COL13A1: variants seen among roughly 807,000 people sequenced by gnomAD.
COL13A1 encodes collagen alpha-1(XIII) chain.
A neutral mutation model predicts 130.9 loss-of-function variants in COL13A1; 89 were observed. The ratio of observed to expected loss-of-function variants is 0.68; its 90% CI spans 0.57 to 0.81. The LOEUF is 0.81. Among genes scored for constraint, COL13A1 ranks in the 30% least tolerant of loss-of-function variants. The probability of loss-of-function intolerance (pLI) is 0.00; values close to 1 mark genes in which losing one functional copy is unlikely to be tolerated. For synonymous variants in COL13A1, 402 were observed against 341.6 expected, an observed-to-expected ratio of 1.18 and a Z score of -1.95; for missense variants, 879 against 934.6, an observed-to-expected ratio of 0.94 and a Z score of 0.78.
At chr10:69,841,795 G>A (rs1851672204) in intron 2 of COL13A1, among the ~76,000 whole-genome samples, 1 of 152,238 alleles carries the variant, frequency 6.6e-6, no homozygotes, top group African/African-American at 2.4e-5. Context: ...AAGTGTTCCA[G>A]GCAAGGGAAC....
At chr10:69,884,702 T>G (rs2060452701) in intron 7 of COL13A1, among the ~76,000 whole-genome samples, 1 of 152,264 alleles carries the variant, frequency 6.6e-6, no homozygotes, top group Non-Finnish European at 1.5e-5. Context: ...CATGAATTAA[T>G]GTACAAATAC....
At chr10:69,829,452 C>T (rs1848286190) in intron 2 of COL13A1, among the ~76,000 whole-genome samples, 1 of 152,266 alleles carries the variant, frequency 6.6e-6, no homozygotes, top group African/African-American at 2.4e-5. Context: ...AGCACTGGTG[C>T]TGCTGGTTGT....
Position 69,875,163 on chromosome 10 carries a change from G to C in COL13A1, c.435G>C (p.Val145=), listed in dbSNP as rs778563814. 1 of 1,613,986 alleles carries C rather than the reference G, an allele frequency of 6.2e-7. No individual in the cohort carries two copies. Among genetic ancestry groups the C allele is most frequent in the Non-Finnish European group, 8.5e-7 (1 of 1,179,892 alleles). Residue 145 remains valine (V), a splice_region_variant and synonymous_variant, in exon 5 of 41, where the codon GTG becomes GTC. Transcript: ENST00000645393. Reference sequence around the variant, plus strand: ...GTGCCATTGGGATGCCTGGACGTGTGGTGAGTTGGCCCGTTTGTACCTGCT... The same window carrying C: ...GTGCCATTGGGATGCCTGGACGTGTCGTGAGTTGGCCCGTTTGTACCTGCT... ...DKGAIGMPGR[V]GVKGQPGEKG...
At chr10:69,918,912 C>G in intron 19 of COL13A1, 150 bp from the exon 20 acceptor site, 4 of 866,558 alleles carry the variant, frequency 4.6e-6, no homozygotes, top group Non-Finnish European at 7.5e-6. Context: ...GGCCTGGGAC[C>G]TGATGCCTGA....
At chr10:69,812,076 T>C (rs1220361763) in intron 1 of COL13A1, among the ~76,000 whole-genome samples, 1 of 152,170 alleles carries the variant, frequency 6.6e-6, no homozygotes, top group East Asian at 1.9e-4. Context: ...GGGGACCTTT[T>C]AAAAAACTAA....
chr10:69,947,211 A>G, intron 37 of COL13A1, 96 bp from the exon 38 acceptor site: 1 of 1,053,020 alleles, frequency 9.5e-7, no homozygotes, highest in Non-Finnish European at 1.5e-6. Context: ...CCAGTGAGTG[A>G]GGCATTGGGA....
At chr10:69,875,884 T>G (rs2134175458) in intron 5 of COL13A1, among the ~76,000 whole-genome samples, 2 of 152,248 alleles carry the variant, frequency 1.3e-5, no homozygotes, top group Middle Eastern at 6.8e-3. Context: ...TCAGCCACTC[T>G]CCCCATGTGA....
intron 2 of COL13A1, among the ~76,000 whole-genome samples, chr10:69,851,304 C>G (rs1282975416): frequency 6.6e-6 from 1 of 152,218 alleles, no homozygotes; most frequent in Non-Finnish European, 1.5e-5. Context: ...CCCTTCCACC[C>G]TGAGCCAAAA....
intron 39 of COL13A1, chr10:69,955,231 T>G (rs2070412205): frequency 6.6e-6 from 1 of 152,264 alleles, no homozygotes; most frequent in Non-Finnish European, 1.5e-5. Flanking sequence ...AGGAGGAGCA[T>G]AGGCAACAAA....
intron 2 of COL13A1, among the ~76,000 whole-genome samples, chr10:69,848,536 C>A (rs1415149588): frequency 1.3e-5 from 2 of 152,138 alleles, no homozygotes; most frequent in Admixed American, 1.3e-4. Context: ...CCCGAGGATA[C>A]CCCTGAGAAA....
chr10:69,822,398 G>C lies in COL13A1; in HGVS notation c.324G>C (p.Arg108=). 6.3e-7 allele frequency: 1 copy of C among 1,594,284 alleles called. No homozygotes were observed. Among genetic ancestry groups the C allele is most frequent in the Non-Finnish European group, 8.5e-7 (1 of 1,170,586 alleles). ...EKWKLHSRRR[R]EAPKTSPGCN... ...GGAAGCTCCACTCAAGGAGGCGCCG[G>C]GAGGCCCCAAAGACATCTCCAGGAT... is the stretch of plus-strand genomic sequence containing the variant. Residue 108 remains arginine, a synonymous_variant, in exon 2 of 41, where the codon CGG becomes CGC. Transcript: ENST00000645393.
intron 3 of COL13A1, 38 bp downstream of exon 3, chr10:69,867,843 G>C (rs1344467065): frequency 1.1e-5 from 8 of 718,096 alleles, no homozygotes; most frequent in Non-Finnish European, 1.6e-5. Context: ...CATCTGAAAG[G>C]CCTGTGTCAC....
intron 3 of COL13A1, among the ~76,000 whole-genome samples, chr10:69,869,838 T>C (rs1484047148): frequency 2.6e-5 from 4 of 152,164 alleles, no homozygotes; most frequent in African/African-American, 7.2e-5. Context: ...CCAAGGGAAG[T>C]AGGGATGTAT....
At chr10:69,924,139 T>G (rs1389795121) in intron 24 of COL13A1, among the ~76,000 whole-genome samples, 1 of 152,138 alleles carries the variant, frequency 6.6e-6, no homozygotes, top group Non-Finnish European at 1.5e-5. Context: ...CTACTCCCTG[T>G]GAAAGGCTGC....
intron 38 of COL13A1, among the ~76,000 whole-genome samples, chr10:69,951,558 T>A (rs1479285292): frequency 1.3e-5 from 2 of 152,030 alleles, no homozygotes; most frequent in African/African-American, 4.8e-5. Context: ...AAAAATGAGG[T>A]CTTGCTTTAT....
At chr10:69,871,038 CA>C (rs1278277115) in intron 3 of COL13A1, among the ~76,000 whole-genome samples, 4 of 152,108 alleles carry the variant, frequency 2.6e-5, no homozygotes. Flanking sequence ...TGTTCCTATT[CA>C]GAGTAGACCC....
rs1472883745 is a variant in COL13A1, at chr10:69,887,502, A to G, written c.549+11A>G. 2 of 1,613,184 alleles carry G rather than the reference A, an allele frequency of 1.2e-6. No individual in the cohort carries two copies. Among genetic ancestry groups the G allele is most frequent in the East Asian group, 2.2e-5 (1 of 44,862 alleles). ...TTCCCTGGATTTCCGGTAAGTGGAG[A>G]AGGCTGAAGTTAGCTGTGTCCCAGG... On this transcript the variant is annotated intron_variant, in intron 8 of 40. Coordinates refer to ENST00000645393, the MANE Select transcript of COL13A1 (RefSeq NM_001368882.1).
chr10:69,933,425 C>A (rs1372390502), intron 31 of COL13A1, among the ~76,000 whole-genome samples: 1 of 152,118 alleles, frequency 6.6e-6, no homozygotes, highest in African/African-American at 2.4e-5. Context: ...CAAAAGACAG[C>A]AGAGAATCAG....
intron 2 of COL13A1, among the ~76,000 whole-genome samples, chr10:69,834,596 T>C (rs1849585739): frequency 6.6e-6 from 1 of 152,198 alleles, no homozygotes; most frequent in African/African-American, 2.4e-5. Flanking sequence ...GCTATCCACA[T>C]TTCAAAAATG....
Sources: gnomAD v4.1 joint callset for allele counts (sites outside exome capture counted in the v4.1 genomes callset) on GRCh38, gnomAD v4.1.1 for gene constraint, MANE v1.5 for transcripts, NCBI Gene and HGNC (gene_info 2026-07-23, HGNC 2026-07-21) for gene names.